Variants in FAM83A observed in about 807,000 individuals in gnomAD.
FAM83A encodes protein FAM83A.
Under a neutral mutation model 24.4 loss-of-function variants are expected in FAM83A, and 21 were observed. The ratio of observed to expected loss-of-function variants is 0.86; its 90% CI spans 0.61 to 1.24. FAM83A has a LOEUF of 1.24. FAM83A is among the 50% of genes most tolerant of loss of function. The pLI, the probability that FAM83A is intolerant of heterozygous loss-of-function variation, is 0.00. For synonymous variants in FAM83A, 270 were observed against 252.4 expected (o/e 1.07, Z -0.66); for missense variants, 617 against 579.8 (o/e 1.06, Z -0.66).
chr8:123,179,719 G>A (rs1248545889), upstream of FAM83A: 2 of 152,174 alleles, frequency 1.3e-5, no homozygotes, highest in Non-Finnish European at 2.9e-5. Context: ...GGGCTCTAGA[G>A]GGAAAAGTTT....
At chr8:123,182,005 G>C (rs768888882), upstream of FAM83A, 3 of 456,066 alleles carry the variant, frequency 6.6e-6, no homozygotes, top group South Asian at 3.1e-5. Context: ...TCAAACCCAC[G>C]TGCTGCTCCT....
rs1197276689 is a variant in FAM83A at position 123,183,134 on chromosome 8, A to C, written c.278A>C (p.Lys93Thr). The stretch of plus-strand genomic sequence containing the variant: ...CTGGGAGGGGCGGAAGCAGGCCCTA[A>C]GGGACTGGACTCCAGCTCCCTACAG... Residue 93 changes from lysine to threonine, a missense_variant, in exon 1 of 4, where the codon AAG becomes ACG. Physicochemically the swap from Lys to Thr is moderately conservative, Grantham distance 78. Transcript: ENST00000690554. 1.2e-5 allele frequency: 20 copies of C among 1,613,740 alleles called. No individual in the cohort carries two copies. The highest frequency in any genetic ancestry group is 1.7e-5 in the Non-Finnish European group (20 of 1,179,994).
At chr8:123,190,053 G>A (rs529186579) in intron 1 of FAM83A, among the ~76,000 whole-genome samples, 1 of 152,024 alleles carries the variant, frequency 6.6e-6, no homozygotes, top group Non-Finnish European at 1.5e-5. Context: ...TGGAGCAGGT[G>A]GGGTGGCTCA....
chr8:123,197,594 C>CT (rs1204986512), intron 3 of FAM83A, among the ~76,000 whole-genome samples: 1 of 152,220 alleles, frequency 6.6e-6, no homozygotes, highest in Middle Eastern at 3.2e-3. Context: ...TTGTTTCCCC[C>CT]TTTCGGCGAT....
upstream of FAM83A, chr8:123,182,197 A>C (rs967281701): frequency 1.8e-5 from 8 of 442,156 alleles, no homozygotes; most frequent in Non-Finnish European, 3.7e-5. Context: ...CATGGGAGAA[A>C]GGAGCTCCTT....
At chr8:123,191,922 C>T (rs746778551) in exon 2 of FAM83A, 2 of 1,614,190 alleles carry the variant, frequency 1.2e-6, no homozygotes, top group South Asian at 2.2e-5. Flanking sequence ...GTGTGAAGCT[C>T]TTCCAGGAGA....
Position 123,209,130 on chromosome 8 carries a change from A to T in FAM83A, c.*1442A>T. The T allele has an allele frequency of 1.9e-6, 2 of 1,058,202 alleles. No homozygotes were observed. Among genetic ancestry groups the T allele is most frequent in the Non-Finnish European group, 2.3e-6 (2 of 878,302 alleles). 65.6% of individuals were successfully genotyped at this position (1,058,202 alleles called of 1,614,324 possible). The stretch of plus-strand genomic sequence containing the variant: ...CCAGGCTGGGGAGCCAGAGGGGAGC[A>T]GGTGCCAACTCCACATCCTTCTCCT... On this transcript the variant is annotated 3_prime_UTR_variant, in exon 4 of 4. Coordinates refer to ENST00000690554, the Ensembl canonical transcript of FAM83A. The surrounding 1 kb of genome is among the most constrained non-coding windows in gnomAD (Gnocchi z 4.7).
At chr8:123,205,595 T>TGGGCTGG (rs930938785) in intron 3 of FAM83A, among the ~76,000 whole-genome samples, 7 of 152,028 alleles carry the variant, frequency 4.6e-5, no homozygotes, top group African/African-American at 1.2e-4. Context: ...GCAAGACAGG[T>TGGGCTGG]GGGCTGGGGG....
intron 3 of FAM83A, among the ~76,000 whole-genome samples, chr8:123,200,960 A>ATATATATATATATATAT (rs1048139338): frequency 9.3e-6 from 1 of 107,890 alleles, no homozygotes; most frequent in Non-Finnish European, 2.0e-5. Flanking sequence ...AAATAAACAA[A>ATATATATATATATATAT]AAAAAAAAAT....
At chr8:123,202,186 C>A (rs1824382893) in intron 3 of FAM83A, 1 of 152,608 alleles carries the variant, frequency 6.6e-6, no homozygotes, top group Non-Finnish European at 1.5e-5. Flanking sequence ...ACAACAACAA[C>A]AACAAAAATC....
intron 1 of FAM83A, among the ~76,000 whole-genome samples, chr8:123,191,291 T>A (rs958655493): frequency 6.6e-6 from 1 of 152,186 alleles, no homozygotes; most frequent in Non-Finnish European, 1.5e-5. Flanking sequence ...CCCTTCTCCA[T>A]CCCACGGGGA....
At position 123,196,600 on chromosome 8, in the gene FAM83A, CCAAA is replaced by C. The variant is rs1468197189; in HGVS notation, c.773+2457_773+2460del. ...GTTTTTAAAATACTTTACACATTTT[CCAAA>C]CAAAGTCCAAAATTGTGTGATAATT... On this transcript the variant is annotated intron_variant, in intron 3 of 3. Coordinates refer to ENST00000690554, the Ensembl canonical transcript of FAM83A. Among the ~76,000 whole-genome samples, 5 of 152,214 alleles carry C rather than the reference CCAAA, an allele frequency of 3.3e-5. No individual in the cohort carries two copies. The East Asian group carries it at 5.8e-4, about 18-fold the overall frequency.
exon 1 of FAM83A, chr8:123,182,794 G>C (rs16898097): frequency 0.089 from 132,758 of 1,495,818 alleles, 6,630 homozygotes; most frequent in African/African-American, 0.16. Flanking sequence ...TGTTCCATTT[G>C]CTTCCCACAT....
intron 3 of FAM83A, among the ~76,000 whole-genome samples, chr8:123,194,877 C>A (rs1251928160): frequency 2.0e-5 from 3 of 152,228 alleles, no homozygotes; most frequent in Non-Finnish European, 4.4e-5. Context: ...CCCCTGCGCC[C>A]AGCCTCAATT....
At chr8:123,196,696 G>T (rs1824167762) in intron 3 of FAM83A, among the ~76,000 whole-genome samples, 1 of 152,154 alleles carries the variant, frequency 6.6e-6, no homozygotes, top group African/African-American at 2.4e-5. Context: ...TTCCTATTAA[G>T]TTCGTCAAGG....
At chr8:123,191,886 C>A in exon 2 of FAM83A, 1 of 1,614,138 alleles carries the variant, frequency 6.2e-7, no homozygotes, top group Middle Eastern at 1.7e-4. Context: ...GTGGGGTGTT[C>A]GTTTGTGTGC....
exon 1 of FAM83A, chr8:123,183,319 A>G (rs1352479130): frequency 1.2e-6 from 2 of 1,612,686 alleles, no homozygotes; most frequent in East Asian, 4.5e-5. Context: ...CCGCCGCTGC[A>G]TCACCCGGAC....
upstream of FAM83A, chr8:123,182,325 C>T (rs1823622193): frequency 2.8e-6 from 1 of 355,768 alleles, no homozygotes; most frequent in Non-Finnish European, 5.6e-6. Flanking sequence ...GGGCGCATCT[C>T]AGGGATGGCA....
chr8:123,194,563 A>C (rs1824083400), intron 3 of FAM83A, among the ~76,000 whole-genome samples: 1 of 148,538 alleles, frequency 6.7e-6, no homozygotes, highest in African/African-American at 2.5e-5. Flanking sequence ...AGCTCATTGC[A>C]ACCTCCGCCT....
Sources: gnomAD v4.1 joint callset for allele counts (sites outside exome capture counted in the v4.1 genomes callset) on GRCh38, gnomAD v4.1.1 for gene constraint, Gnocchi (gnomAD v3.1) non-coding constraint, MANE v1.5 for transcripts, NCBI Gene and HGNC (gene_info 2026-07-23, HGNC 2026-07-21) for gene names.